The following TSPEAR variants were observed in gnomAD, a reference collection of about 807,000 sequenced individuals.
TSPEAR encodes thrombospondin-type laminin G domain and EAR repeat-containing protein.
In TSPEAR, 69 loss-of-function variants were observed where a neutral mutation model predicts 71.6. The ratio of observed to expected loss-of-function variants is 0.96; its 90% CI spans 0.79 to 1.18. TSPEAR has a LOEUF of 1.18. Among genes scored for constraint, TSPEAR ranks in the 50% most tolerant of loss-of-function variants. The pLI, the probability that TSPEAR is intolerant of heterozygous loss-of-function variation, is 0.00. For synonymous variants in TSPEAR, 402 were observed against 387.2 expected, an observed-to-expected ratio of 1.04 and a Z score of -0.45; for missense variants, 971 against 894.9, an observed-to-expected ratio of 1.09 and a Z score of -1.09.
chr21:44,667,006 C>T (rs1985820583), intron 1 of TSPEAR: 9 of 1,165,260 alleles, frequency 7.7e-6, no homozygotes, highest in Non-Finnish European at 1.1e-5. Context: ...ACCTGTCTTC[C>T]TTGTTTTTCT....
intron 4 of TSPEAR, among the ~76,000 whole-genome samples, chr21:44,530,269 CATCT>C (rs1372712832): frequency 6.6e-6 from 1 of 152,180 alleles, no homozygotes; most frequent in Non-Finnish European, 1.5e-5. Flanking sequence ...TTCATCCATC[CATCT>C]GTCCATCCAT....
At chr21:44,525,626 C>A in intron 8 of TSPEAR, 27 bp downstream of exon 8, 2 of 1,609,994 alleles carry the variant, frequency 1.2e-6, no homozygotes, top group South Asian at 2.2e-5. Flanking sequence ...TGGTTGCCTC[C>A]CGGTGTGAAG....
chr21:44,705,569 GC>G (rs756493967), intron 1 of TSPEAR, among the ~76,000 whole-genome samples: 1 of 152,118 alleles, frequency 6.6e-6, no homozygotes, highest in African/African-American at 2.4e-5. Flanking sequence ...CTCTGAACTG[GC>G]CCCCCCGGGG....
At chr21:44,599,822 G>A (rs1260553355) in intron 1 of TSPEAR, among the ~76,000 whole-genome samples, 3 of 152,264 alleles carry the variant, frequency 2.0e-5, no homozygotes, top group African/African-American at 7.2e-5. Flanking sequence ...AGCGAAAGCA[G>A]TGCTTGCTGC....
At chr21:44,709,115 C>T (rs988962501) in intron 1 of TSPEAR, among the ~76,000 whole-genome samples, 3 of 152,046 alleles carry the variant, frequency 2.0e-5, no homozygotes, top group Non-Finnish European at 4.4e-5. Flanking sequence ...TCCCACCCAG[C>T]CCCCCAGAGC....
rs560969091 is a variant in TSPEAR at position 44,695,953 on chromosome 21, C to T, written c.82+15480G>A. On this transcript the variant is annotated intron_variant, in intron 1 of 11. Transcript: ENST00000323084. This position sits in a 1 kb window ranked among gnomAD's most constrained non-coding sequence, Gnocchi z 4.5. Reference sequence around the variant, plus strand: ...GCAGCTCTCCCTTAATCTCAGGATCCTCCAGGCTAGATGAGCCCTGGGGCT... The same window carrying T: ...GCAGCTCTCCCTTAATCTCAGGATCTTCCAGGCTAGATGAGCCCTGGGGCT... Among the ~76,000 whole-genome samples the T allele has an allele frequency of 6.6e-6, 1 of 152,326 alleles. No homozygotes were observed. Among genetic ancestry groups the T allele is most frequent in the Admixed American group, 6.5e-5 (1 of 15,308 alleles).
Position 44,623,218 on chromosome 21 carries a change from T to C in TSPEAR, c.83-55213A>G, listed in dbSNP as rs1291545666. On this transcript the variant is annotated intron_variant, in intron 1 of 11. Coordinates refer to ENST00000323084, the MANE Select transcript of TSPEAR (RefSeq NM_144991.3). The surrounding 1 kb of genome is among the most constrained non-coding windows in gnomAD (Gnocchi z 4.5). ...GTGAGGTTCTGGGTGGATATGACTT[T>C]TGGGGAGGCAAGATTCAACCCACTA... Among the ~76,000 whole-genome samples the C allele has an allele frequency of 6.6e-6, 1 of 152,224 alleles. No individual in the cohort carries two copies. Among genetic ancestry groups the C allele is most frequent in the African/African-American group, 2.4e-5 (1 of 41,454 alleles).
intron 1 of TSPEAR, among the ~76,000 whole-genome samples, chr21:44,706,282 C>T (rs1215840760): frequency 2.6e-5 from 4 of 152,250 alleles, no homozygotes; most frequent in Non-Finnish European, 4.4e-5. Context: ...CGGGTTCTTC[C>T]GCGCAGCTGT....
At chr21:44,703,602 G>A (rs1223235351) in intron 1 of TSPEAR, among the ~76,000 whole-genome samples, 1 of 152,200 alleles carries the variant, frequency 6.6e-6, no homozygotes, top group Non-Finnish European at 1.5e-5. Context: ...GCATTTTACT[G>A]AAATGGCCAA....
At chr21:44,708,272 T>C (rs1480189329) in intron 1 of TSPEAR, among the ~76,000 whole-genome samples, 3 of 151,964 alleles carry the variant, frequency 2.0e-5, no homozygotes, top group Admixed American at 6.6e-5. Flanking sequence ...GGGTCAGGAA[T>C]GGGCACACTT....
rs587666333 is a variant in TSPEAR, at chr21:44,602,104, C to G, written c.83-34099G>C. 661 of 372,948 alleles carry G rather than the reference C, an allele frequency of 1.8e-3. 6 individuals carry two copies. The highest frequency in any genetic ancestry group is 3.6e-3 in the Admixed American group (84 of 23,312). 23.1% of individuals were successfully genotyped at this position (372,948 alleles called of 1,614,324 possible). ...GCTCCTCCCCTGCTGTGGGCCTGGG[C>G]CTCTTTCTCTGTCTTCCCTGACCAC... is the stretch of plus-strand genomic sequence containing the variant. On this transcript the variant is annotated intron_variant, in intron 1 of 11. Coordinates refer to ENST00000323084, the MANE Select transcript of TSPEAR (RefSeq NM_144991.3).
intron 1 of TSPEAR, chr21:44,627,351 G>A (rs199560862): frequency 4.3e-6 from 7 of 1,613,310 alleles, no homozygotes; most frequent in Non-Finnish European, 5.9e-6. Context: ...GCTGCCAGGT[G>A]ACCTGTGAGC....
chr21:44,682,187 G>A, intron 1 of TSPEAR: 4 of 1,570,524 alleles, frequency 2.5e-6, no homozygotes, highest in East Asian at 4.5e-5. Flanking sequence ...GCCTCCCTGG[G>A]TAGCCTTTAT....
At chr21:44,557,207 T>A (rs1197148306) in intron 2 of TSPEAR, among the ~76,000 whole-genome samples, 3 of 152,102 alleles carry the variant, frequency 2.0e-5, no homozygotes, top group Non-Finnish European at 4.4e-5. Context: ...GTTCCTCACA[T>A]AAGGCAAAAG....
chr21:44,502,151 C>T (rs1226502973), intron 11 of TSPEAR, among the ~76,000 whole-genome samples: 1 of 152,138 alleles, frequency 6.6e-6, no homozygotes, highest in Admixed American at 6.6e-5. Flanking sequence ...TGGACCGCAC[C>T]ACGCACTCAC....
intron 2 of TSPEAR, among the ~76,000 whole-genome samples, chr21:44,549,943 C>G (rs1489061324): frequency 6.6e-6 from 1 of 152,212 alleles, no homozygotes; most frequent in African/African-American, 2.4e-5. Flanking sequence ...CCAGGATGCC[C>G]AAGCTGTCCC....
intron 1 of TSPEAR, among the ~76,000 whole-genome samples, chr21:44,668,428 A>G (rs1985896771): frequency 6.6e-6 from 1 of 152,258 alleles, no homozygotes. Flanking sequence ...TCCCATGTTC[A>G]TGAATTGGAA....
intron 1 of TSPEAR, among the ~76,000 whole-genome samples, chr21:44,575,940 CGACA>C (rs781860853): frequency 6.6e-6 from 1 of 152,232 alleles, no homozygotes; most frequent in South Asian, 2.1e-4. Flanking sequence ...GTGGCAAGAA[CGACA>C]GACAGAGCAC....
At chr21:44,527,628 C>T (rs587718639) in intron 6 of TSPEAR, 110 bp from the exon 7 acceptor site, 227 of 1,023,902 alleles carry the variant, frequency 2.2e-4, no homozygotes, top group Non-Finnish European at 3.0e-4. Flanking sequence ...ACGACTCCTG[C>T]GCCTCAGCCT....
Sources: gnomAD v4.1 joint callset for allele counts (sites outside exome capture counted in the v4.1 genomes callset) on GRCh38, gnomAD v4.1.1 for gene constraint, Gnocchi (gnomAD v3.1) non-coding constraint, MANE v1.5 for transcripts, NCBI Gene and HGNC (gene_info 2026-07-23, HGNC 2026-07-21) for gene names.